Variants in POLA1 observed in about 807,000 individuals in gnomAD.
POLA1 encodes the protein DNA polymerase alpha catalytic subunit.
In POLA1, 15 loss-of-function variants were observed where a neutral mutation model predicts 124.0. The observed-to-expected ratio is 0.12, with a 90% CI of 0.08 to 0.19. The LOEUF is 0.19. POLA1 is among the 10% of genes least tolerant of loss of function. The pLI is 1.00. For synonymous variants in POLA1, 408 were observed against 389.4 expected (o/e 1.05, Z -0.56); for missense variants, 886 against 1,103.4 (o/e 0.80, Z 2.79).
intron 34 of POLA1, among the ~76,000 whole-genome samples, chrX:24,880,932 C>T (rs1263362190): frequency 8.9e-6 from 1 of 111,756 alleles, no homozygotes; most frequent in Non-Finnish European, 1.9e-5. Context: ...TGCCAGACCC[C>T]GTCCTGTGAC....
chrX:24,919,796 G>GTTTTTTTTTTTGT (rs1401962153), intron 35 of POLA1, among the ~76,000 whole-genome samples: 1 of 39,491 alleles, frequency 2.5e-5, no homozygotes, highest in Non-Finnish European at 4.1e-5. Flanking sequence ...TCCCTCCCCA[G>GTTTTTTTTTTTGT]TTTTTTTTTT....
At chrX:24,849,274 A>G (rs2046517354) in intron 34 of POLA1, among the ~76,000 whole-genome samples, 1 of 112,817 alleles carries the variant, frequency 8.9e-6, no homozygotes, top group South Asian at 3.6e-4. Context: ...GCTGCCCAGC[A>G]GCGCTTGAAG....
chrX:24,875,294 A>C (rs1381440938), intron 34 of POLA1, among the ~76,000 whole-genome samples: 2 of 111,583 alleles, frequency 1.8e-5, no homozygotes, highest in Non-Finnish European at 3.8e-5. Context: ...TGGGGATTTT[A>C]GGCCCATTTC....
At chrX:24,780,056 T>C (rs908532967) in intron 26 of POLA1, among the ~76,000 whole-genome samples, 5 of 112,304 alleles carry the variant, frequency 4.5e-5, no homozygotes, top group African/African-American at 1.6e-4. Context: ...TTGATCTTGG[T>C]ATATGATCCT....
chrX:24,974,946 GTAA>G (rs1475845531), intron 36 of POLA1, among the ~76,000 whole-genome samples: 1 of 112,641 alleles, frequency 8.9e-6, no homozygotes, highest in Non-Finnish European at 1.9e-5. Context: ...TCGAAGGACA[GTAA>G]TAATGATAAA....
intron 35 of POLA1, among the ~76,000 whole-genome samples, chrX:24,910,865 A>T (rs2047439414): frequency 8.9e-6 from 1 of 112,184 alleles, no homozygotes; most frequent in Non-Finnish European, 1.9e-5. Flanking sequence ...AATCAGGGAT[A>T]TAGAAGAACT....
In POLA1 at chrX:24,727,289, G is replaced by A. The variant is rs368830953; in HGVS notation, c.1531+218G>A. On this transcript the variant is annotated intron_variant, in intron 14 of 36. Transcript: ENST00000379068. ...TCTGAGGGAGGCCTTAGTTTGGGGT[G>A]CATCCCTCATTATGCTGTTATTCAT... Among the ~76,000 whole-genome samples, 7 of 111,237 alleles carry A rather than the reference G, an allele frequency of 6.3e-5. No homozygotes were observed. In the South Asian group the frequency reaches 1.9e-3, roughly 31 times the overall value.
chrX:24,820,531 C>T (rs918989775), intron 30 of POLA1, among the ~76,000 whole-genome samples: 2 of 111,282 alleles, frequency 1.8e-5, no homozygotes, highest in African/African-American at 6.5e-5. Context: ...GTTTGTTTCT[C>T]TGCCTGGAAT....
chrX:24,843,516 T>A (rs765170307), intron 33 of POLA1, 30 bp from the exon 34 acceptor site: 7 of 1,126,129 alleles, frequency 6.2e-6, no homozygotes, highest in Non-Finnish European at 8.3e-6. Flanking sequence ...CTCACAGTAA[T>A]TTTTTGTATA....
At chrX:24,761,273 ATTT>A (rs1932789108) in intron 26 of POLA1, among the ~76,000 whole-genome samples, 1 of 111,687 alleles carries the variant, frequency 9.0e-6, no homozygotes, top group Non-Finnish European at 1.9e-5. Flanking sequence ...TGATTTATTT[ATTT>A]TTTTATTTAT....
At chrX:24,791,981 A>T (rs1241223932) in intron 26 of POLA1, among the ~76,000 whole-genome samples, 1 of 112,297 alleles carries the variant, frequency 8.9e-6, no homozygotes, top group Non-Finnish European at 1.9e-5. Context: ...AAAAAAGTTG[A>T]ATTTTTCTAC....
chrX:24,813,811 CAAA>C (rs553323828), intron 29 of POLA1, among the ~76,000 whole-genome samples: 8 of 33,987 alleles, frequency 2.4e-4, no homozygotes, highest in Admixed American at 7.9e-4. Context: ...GAGACGCCGT[CAAA>C]AAAAAAAAAA....
At chrX:24,912,460 A>G (rs1216917093) in intron 35 of POLA1, among the ~76,000 whole-genome samples, 2 of 112,072 alleles carry the variant, frequency 1.8e-5, no homozygotes, top group Non-Finnish European at 3.8e-5. Context: ...TTCAAATTAC[A>G]TATCTAACAA....
chrX:24,973,597 C>G lies in POLA1; in HGVS notation c.4262-22208C>G, dbSNP rs752418495. Among the ~76,000 whole-genome samples the G allele has an allele frequency of 9.9e-5, 11 of 111,267 alleles. No homozygotes were observed. The East Asian group carries it at 2.8e-3, about 29-fold the overall frequency. ...TTCCCAGGGTTACCTGAGTATACAGCCTGCAGTAACCTGCTCTTTCTCTAG... is the reference window on the plus strand; with the variant it reads ...TTCCCAGGGTTACCTGAGTATACAGGCTGCAGTAACCTGCTCTTTCTCTAG... On this transcript the variant is annotated intron_variant, in intron 36 of 36. Transcript: ENST00000379068.
intron 36 of POLA1, among the ~76,000 whole-genome samples, chrX:24,970,071 T>C (rs2048283081): frequency 8.9e-6 from 1 of 112,377 alleles, no homozygotes; most frequent in Non-Finnish European, 1.9e-5. Flanking sequence ...CAGTCTGTCA[T>C]TGATGGATGT....
In POLA1 at chrX:24,726,041, G is replaced by C. The variant is rs760363128; in HGVS notation, c.1378G>C (p.Glu460Gln). 8.8e-6 allele frequency: 10 copies of C among 1,139,165 alleles called. No homozygotes were observed. The highest frequency in any genetic ancestry group is 9.6e-6 in the Non-Finnish European group (8 of 833,580). 93.9% of individuals were successfully genotyped at this position (1,139,165 alleles called of 1,213,427 possible). Residue 460 changes from glutamate (E) to glutamine (Q), a missense_variant, in exon 13 of 37, where the codon GAA becomes CAA. This residue lies in a region of POLA1 where 337 missense variants were observed against 402.8 expected (regional missense o/e 0.84). Coordinates refer to ENST00000379068, the MANE Select transcript of POLA1 (RefSeq NM_001330360.2). ...PDVPEKSEYL[E>Q]VKYSAEMPQL... The stretch of plus-strand genomic sequence containing the variant: ...TGTTCCAGAAAAATCTGAGTACTTG[G>C]AAGTTAAATACTCGGTAAGTCAAAC...
intron 32 of POLA1, among the ~76,000 whole-genome samples, chrX:24,829,740 A>G (rs1295339957): frequency 1.8e-5 from 2 of 112,189 alleles, no homozygotes; most frequent in East Asian, 5.6e-4. Context: ...CTGTGTATTT[A>G]GGAGGAGGGA....
chrX:24,846,446 T>TA (rs2046477889), intron 34 of POLA1, among the ~76,000 whole-genome samples: 4 of 112,047 alleles, frequency 3.6e-5, no homozygotes, highest in Admixed American at 1.9e-4. Flanking sequence ...CAGAAAGCCT[T>TA]ATTTCTAAGT....
chrX:24,839,360 C>T (rs1035213822), intron 32 of POLA1, among the ~76,000 whole-genome samples: 3 of 111,900 alleles, frequency 2.7e-5, no homozygotes, highest in South Asian at 3.7e-4. Flanking sequence ...TTGTTACTGC[C>T]ATGGGAAGAT....
Sources: allele counts gnomAD v4.1 joint callset (sites outside exome capture counted in the v4.1 genomes callset), GRCh38; gene constraint gnomAD v4.1.1; regional missense constraint gnomAD v4.1.1; transcripts MANE v1.5; gene names NCBI Gene and HGNC (gene_info 2026-07-23, HGNC 2026-07-21).